Variants in PCSK2 observed in about 807,000 individuals in gnomAD.
The protein encoded by PCSK2 is proprotein convertase subtilisin/kexin type 2, also known as neuroendocrine convertase 2.
In PCSK2, 14 loss-of-function variants were observed where a neutral mutation model predicts 69.7. That is an observed-to-expected ratio of 0.20 (90% CI 0.13 to 0.31). The LOEUF (loss-of-function observed/expected upper bound fraction) is 0.31. PCSK2 is among the 10% of genes least tolerant of loss of function. The pLI, the probability that PCSK2 is intolerant of heterozygous loss-of-function variation, is 1.00. For synonymous variants in PCSK2, 307 were observed against 320.7 expected (o/e 0.96, Z 0.46); for missense variants, 544 against 842.5 (o/e 0.65, Z 4.39).
At chr20:17,477,907 C>A (rs966722681) in intron 11 of PCSK2, among the ~76,000 whole-genome samples, 1 of 152,112 alleles carries the variant, frequency 6.6e-6, no homozygotes, top group Non-Finnish European at 1.5e-5. Flanking sequence ...ATTTCATAAG[C>A]CCTGAGATAA....
At chr20:17,387,599 A>T (rs2031269931) in intron 5 of PCSK2, among the ~76,000 whole-genome samples, 1 of 152,198 alleles carries the variant, frequency 6.6e-6, no homozygotes, top group African/African-American at 2.4e-5. Context: ...GCAATCTCAG[A>T]GAGGGACCAA....
intron 4 of PCSK2, among the ~76,000 whole-genome samples, chr20:17,364,226 G>T (rs1432685822): frequency 6.6e-6 from 1 of 151,738 alleles, no homozygotes; most frequent in Non-Finnish European, 1.5e-5. Context: ...ATAAATAAAA[G>T]ATTCAAACCT....
intron 1 of PCSK2, among the ~76,000 whole-genome samples, chr20:17,253,063 G>A (rs1987048608): frequency 6.6e-6 from 1 of 152,078 alleles, no homozygotes; most frequent in Admixed American, 6.6e-5. Flanking sequence ...CTTTTCTGAA[G>A]TATCTATCAA....
intron 6 of PCSK2, among the ~76,000 whole-genome samples, chr20:17,423,645 A>C (rs1032452503): frequency 5.3e-3 from 87 of 16,318 alleles, no homozygotes; most frequent in African/African-American, 0.022. Context: ...ACTTTTGTAC[A>C]AAAAAAAAAG....
At chr20:17,402,175 A>G (rs1204564159) in intron 5 of PCSK2, among the ~76,000 whole-genome samples, 1 of 152,238 alleles carries the variant, frequency 6.6e-6, no homozygotes, top group East Asian at 1.9e-4. Context: ...CCTCCACCAC[A>G]GGGTTTTGGA....
intron 2 of PCSK2, among the ~76,000 whole-genome samples, chr20:17,334,017 C>T (rs1990281468): frequency 1.3e-5 from 2 of 149,378 alleles, no homozygotes; most frequent in African/African-American, 4.9e-5. Context: ...TCACTTCACA[C>T]CTGAAGAAGC....
chr20:17,246,597 C>A (rs1258255151), intron 1 of PCSK2, among the ~76,000 whole-genome samples: 4 of 151,994 alleles, frequency 2.6e-5, no homozygotes, highest in Non-Finnish European at 5.9e-5. Flanking sequence ...TGCAGGATAT[C>A]CTCCAGAAAA....
chr20:17,269,822 A>G (rs530974157), intron 2 of PCSK2, among the ~76,000 whole-genome samples: 1 of 152,270 alleles, frequency 6.6e-6, no homozygotes, highest in South Asian at 2.1e-4. Flanking sequence ...ATTTTGAGAA[A>G]CTATAAAAGC....
intron 2 of PCSK2, among the ~76,000 whole-genome samples, chr20:17,296,191 C>G (rs1954389483): frequency 6.6e-6 from 1 of 152,174 alleles, no homozygotes; most frequent in Admixed American, 6.5e-5. Context: ...CCTTGGGCCA[C>G]AGACGTGGCT....
At chr20:17,419,171 G>A (rs954893922) in intron 6 of PCSK2, among the ~76,000 whole-genome samples, 29 of 152,092 alleles carry the variant, frequency 1.9e-4, no homozygotes, top group African/African-American at 6.3e-4. Context: ...TAAACTCCAC[G>A]CCAAGGGTGC....
At chr20:17,479,796 C>CAA (rs5840770) in intron 11 of PCSK2, among the ~76,000 whole-genome samples, 71 of 89,754 alleles carry the variant, frequency 7.9e-4, no homozygotes, top group Non-Finnish European at 1.1e-3. Context: ...GACTCCGTCT[C>CAA]AAAAAAAAAA....
intron 2 of PCSK2, among the ~76,000 whole-genome samples, chr20:17,330,132 A>G (rs1176742817): frequency 3.3e-5 from 5 of 152,204 alleles, no homozygotes; most frequent in Non-Finnish European, 7.3e-5. Context: ...GTTTTCTTGT[A>G]CTAAGTCTTC....
At position 17,481,714 on chromosome 20, in the gene PCSK2, C is replaced by G. The variant is rs748066351; in HGVS notation, c.1561C>G (p.Leu521Val). 4.3e-6 allele frequency: 7 copies of G among 1,614,058 alleles called. No homozygotes were observed. In the African/African-American group the frequency reaches 9.3e-5, roughly 22 times the overall value. The change falls in exon 12 of 12, where the codon CTG becomes GTG. Residue 521 changes from leucine (L) to valine (V), a missense_variant. Transcript: ENST00000262545. ...ITVNATRRGD[L>V]NINMTSPMGT... Reference sequence around the variant, plus strand: ...GGTCAACGCAACCAGAAGAGGAGACCTGAACATCAACATGACTTCCCCTAT... The same window carrying G: ...GGTCAACGCAACCAGAAGAGGAGACGTGAACATCAACATGACTTCCCCTAT...
chr20:17,326,879 C>A (rs1270163337), intron 2 of PCSK2, among the ~76,000 whole-genome samples: 2 of 152,134 alleles, frequency 1.3e-5, no homozygotes, highest in Non-Finnish European at 2.9e-5. Flanking sequence ...ATCTTCAATC[C>A]GGGGGAGGCC....
chr20:17,476,996 C>T (rs1016748358), intron 11 of PCSK2, among the ~76,000 whole-genome samples: 2 of 152,144 alleles, frequency 1.3e-5, no homozygotes, highest in African/African-American at 2.4e-5. Flanking sequence ...CATCAGTATC[C>T]GGGGGTGGGA....
chr20:17,473,737 C>CA (rs766862630), intron 11 of PCSK2, among the ~76,000 whole-genome samples: 7 of 152,212 alleles, frequency 4.6e-5, no homozygotes, highest in East Asian at 1.9e-4. Context: ...CGATGCCAGC[C>CA]AAAAAAACCT....
At chr20:17,430,507 C>T (rs899803929) in intron 7 of PCSK2, among the ~76,000 whole-genome samples, 3 of 152,132 alleles carry the variant, frequency 2.0e-5, no homozygotes, top group Non-Finnish European at 4.4e-5. Context: ...CTATACAAAC[C>T]CACTATTAAC....
At chr20:17,258,875 C>T (rs575221396) in intron 1 of PCSK2, among the ~76,000 whole-genome samples, 24 of 150,564 alleles carry the variant, frequency 1.6e-4, no homozygotes, top group African/African-American at 2.4e-4. Flanking sequence ...AGTAGGTAGG[C>T]CTAGAGGAAA....
chr20:17,318,095 GTGTT>G (rs1989744964), intron 2 of PCSK2, among the ~76,000 whole-genome samples: 1 of 152,226 alleles, frequency 6.6e-6, no homozygotes, highest in African/African-American at 2.4e-5. Context: ...ACGACTGGAT[GTGTT>G]CTAAGATCTG....
Sources: gnomAD v4.1 joint callset for allele counts (sites outside exome capture counted in the v4.1 genomes callset) on GRCh38, gnomAD v4.1.1 for gene constraint, MANE v1.5 for transcripts, NCBI Gene and HGNC (gene_info 2026-07-23, HGNC 2026-07-21) for gene names.